Variants in LRP1B observed in about 807,000 individuals in gnomAD.
The protein encoded by LRP1B is low-density lipoprotein receptor-related protein 1B.
Under a neutral mutation model 556.6 loss-of-function variants are expected in LRP1B, and 217 were observed. The ratio of observed to expected loss-of-function variants is 0.39; its 90% CI spans 0.35 to 0.44. The LOEUF (loss-of-function observed/expected upper bound fraction) is 0.44. Among genes scored for constraint, LRP1B ranks in the 20% least tolerant of loss-of-function variants. The probability of loss-of-function intolerance (pLI) is 1.00; values close to 1 mark genes in which losing one functional copy is unlikely to be tolerated. For synonymous variants in LRP1B, 2,047 were observed against 1,865.8 expected (o/e 1.10, Z -2.50); for missense variants, 5,053 against 5,620.8 (o/e 0.90, Z 3.23).
intron 31 of LRP1B, among the ~76,000 whole-genome samples, chr2:140,834,503 G>T (rs965622253): frequency 6.6e-6 from 1 of 152,186 alleles, no homozygotes; most frequent in Non-Finnish European, 1.5e-5. Flanking sequence ...CTCCCAAAGT[G>T]CTGGGATTAC....
intron 1 of LRP1B, among the ~76,000 whole-genome samples, chr2:142,091,893 T>C (rs1706186418): frequency 6.6e-6 from 1 of 152,214 alleles, no homozygotes; most frequent in Non-Finnish European, 1.5e-5. Context: ...AAATTTTTCC[T>C]TCCACATAAA....
At chr2:140,659,104 T>TG (rs1335557315) in intron 41 of LRP1B, among the ~76,000 whole-genome samples, 52 of 130,120 alleles carry the variant, frequency 4.0e-4, no homozygotes, top group Non-Finnish European at 4.9e-4. Flanking sequence ...ATCTGTTTTT[T>TG]TTTTTTTTTT....
At position 140,353,050 on chromosome 2, in the gene LRP1B, A is replaced by T; in HGVS notation, c.11553T>A (p.Phe3851Leu). 1 of 1,612,920 alleles carries T rather than the reference A, an allele frequency of 6.2e-7. No homozygotes were observed. ...QCEDLNECLV[F>L]GTCSHQCINV... ...TTATACATTGATGGGAACATGTGCC[A>T]AACACCAAACATTCATTAAGGTCTA... Residue 3851 changes from phenylalanine (F) to leucine (L), a missense_variant, in exon 76 of 91, where the codon TTT (phenylalanine) becomes TTA (leucine). Phe to Leu is a conservative substitution (Grantham distance 22, BLOSUM62 0). Coordinates refer to ENST00000389484, the MANE Select transcript of LRP1B (RefSeq NM_018557.3).
intron 2 of LRP1B, among the ~76,000 whole-genome samples, chr2:141,529,019 T>C (rs981940581): frequency 3.9e-5 from 6 of 152,192 alleles, no homozygotes; most frequent in Admixed American, 1.3e-4. Context: ...ATGTTTTACA[T>C]TCTGTGAAAG....
At chr2:141,988,417 A>G (rs1166438902) in intron 1 of LRP1B, among the ~76,000 whole-genome samples, 2 of 151,980 alleles carry the variant, frequency 1.3e-5, no homozygotes, top group Non-Finnish European at 2.9e-5. Flanking sequence ...AAATATACAT[A>G]TTATAAAAGT....
At chr2:141,797,165 A>ATATG (rs1695846174) in intron 2 of LRP1B, among the ~76,000 whole-genome samples, 2 of 87,298 alleles carry the variant, frequency 2.3e-5, no homozygotes, top group African/African-American at 6.9e-5. Context: ...ATATATATAT[A>ATATG]TATATATATA....
At chr2:140,771,028 CA>C (rs762569109) in intron 33 of LRP1B, 22 bp from the exon 34 acceptor site, 1 of 1,535,912 alleles carries the variant, frequency 6.5e-7, no homozygotes, top group Admixed American at 2.4e-5. Flanking sequence ...GAAAATGAAA[CA>C]AATTTCTTTA....
intron 72 of LRP1B, among the ~76,000 whole-genome samples, chr2:140,360,684 C>T (rs1682463461): frequency 6.6e-6 from 1 of 151,444 alleles, no homozygotes; most frequent in Admixed American, 6.6e-5. Flanking sequence ...ATGAGGAAAC[C>T]AACCAGTGAG....
At chr2:140,667,901 G>A (rs919149711) in intron 41 of LRP1B, among the ~76,000 whole-genome samples, 1 of 152,092 alleles carries the variant, frequency 6.6e-6, no homozygotes, top group Non-Finnish European at 1.5e-5. Context: ...GTTCTTTTGG[G>A]GGTCTCCTTT....
chr2:141,173,667 A>G (rs1680606217), intron 7 of LRP1B, among the ~76,000 whole-genome samples: 1 of 152,128 alleles, frequency 6.6e-6, no homozygotes, highest in African/African-American at 2.4e-5. Context: ...TGGTGTGGGT[A>G]GGAATCTTAT....
chr2:140,504,224 T>C (rs201462378), intron 53 of LRP1B, among the ~76,000 whole-genome samples: 2 of 152,304 alleles, frequency 1.3e-5, no homozygotes, highest in East Asian at 3.9e-4. Flanking sequence ...AAACACCAAG[T>C]GCTAAGTGTC....
chr2:141,258,988 C>T (rs1008369260), intron 3 of LRP1B, among the ~76,000 whole-genome samples: 6 of 152,038 alleles, frequency 3.9e-5, no homozygotes, highest in Non-Finnish European at 5.9e-5. Context: ...GCCCTTAGCA[C>T]AGTTGTAAAG....
At chr2:141,674,145 C>T (rs1048550715) in intron 2 of LRP1B, among the ~76,000 whole-genome samples, 3 of 152,046 alleles carry the variant, frequency 2.0e-5, no homozygotes, top group Non-Finnish European at 2.9e-5. Context: ...TATACATTAA[C>T]ATGGGACATG....
chr2:141,652,818 T>A (rs1689849658), intron 2 of LRP1B, among the ~76,000 whole-genome samples: 1 of 152,176 alleles, frequency 6.6e-6, no homozygotes. Context: ...GGCCTCCTTC[T>A]AATCTGTAAT....
chr2:141,959,769 G>T (rs1470279379), intron 1 of LRP1B, among the ~76,000 whole-genome samples: 13 of 151,590 alleles, frequency 8.6e-5, no homozygotes, highest in African/African-American at 3.1e-4. Flanking sequence ...CTTTTACAAC[G>T]ACAGAATATC....
chr2:140,622,473 C>T (rs2105254411), intron 41 of LRP1B, among the ~76,000 whole-genome samples: 1 of 152,232 alleles, frequency 6.6e-6, no homozygotes, highest in Non-Finnish European at 1.5e-5. Context: ...CAGATTGCTT[C>T]CTGTCAGTCG....
intron 1 of LRP1B, among the ~76,000 whole-genome samples, chr2:141,939,071 G>A (rs1271994484): frequency 6.6e-6 from 1 of 151,962 alleles, no homozygotes; most frequent in Non-Finnish European, 1.5e-5. Flanking sequence ...AGAGATCAAT[G>A]TACAGCCTGA....
chr2:142,119,900 G>T (rs1179621411), intron 1 of LRP1B, among the ~76,000 whole-genome samples: 1 of 152,030 alleles, frequency 6.6e-6, no homozygotes, highest in African/African-American at 2.4e-5. Context: ...TTAATAGGGT[G>T]GTTATTTCTG....
In LRP1B at chr2:141,386,725, A is replaced by T. The variant is rs369165370; in HGVS notation, c.343+93671T>A. The stretch of plus-strand genomic sequence containing the variant: ...AACAACAAAGGCCCAAGAAATATGA[A>T]GCAAACATGCACAGATTTGAGAAAA... On this transcript the variant is annotated intron_variant, in intron 3 of 90. Coordinates refer to ENST00000389484, the MANE Select transcript of LRP1B (RefSeq NM_018557.3). Among the ~76,000 whole-genome samples the T allele has an allele frequency of 4.6e-4, 70 of 152,054 alleles. 1 individual carries two copies. The highest frequency in any genetic ancestry group is 3.4e-3 in the Middle Eastern group (1 of 292).
Sources: allele counts gnomAD v4.1 joint callset (sites outside exome capture counted in the v4.1 genomes callset), GRCh38; gene constraint gnomAD v4.1.1; transcripts MANE v1.5; gene names NCBI Gene and HGNC (gene_info 2026-07-23, HGNC 2026-07-21).